KIF16B: variants seen among roughly 807,000 people sequenced by gnomAD.
KIF16B encodes the protein kinesin-like protein KIF16B.
Under a neutral mutation model 156.3 loss-of-function variants are expected in KIF16B, and 98 were observed. The ratio of observed to expected loss-of-function variants is 0.63; its 90% CI spans 0.53 to 0.74. KIF16B has a LOEUF of 0.74. Among genes scored for constraint, KIF16B ranks in the 30% least tolerant of loss-of-function variants. The pLI is 0.00. For missense variants in KIF16B, 1,421 were observed against 1,606.5 expected, an observed-to-expected ratio of 0.88 and a Z score of 1.97; for synonymous variants, 564 against 583.7, an observed-to-expected ratio of 0.97 and a Z score of 0.49.
intron 16 of KIF16B, 94 bp from the exon 17 acceptor site, chr20:16,404,995 G>C: frequency 1.2e-6 from 1 of 818,818 alleles, no homozygotes; most frequent in South Asian, 1.5e-5. Flanking sequence ...GAGACAATGA[G>C]GTGCACATGC....
At chr20:16,330,232 C>T (rs1252072861) in intron 24 of KIF16B, among the ~76,000 whole-genome samples, 2 of 152,154 alleles carry the variant, frequency 1.3e-5, no homozygotes, top group East Asian at 3.9e-4. Context: ...TGGCTCACCA[C>T]CCAAATGTAT....
At chr20:16,493,912 T>C (rs1404417569) in intron 12 of KIF16B, among the ~76,000 whole-genome samples, 1 of 152,172 alleles carries the variant, frequency 6.6e-6, no homozygotes, top group Non-Finnish European at 1.5e-5. Context: ...CCACGGGAAA[T>C]ATTTTTTTCA....
intron 7 of KIF16B, among the ~76,000 whole-genome samples, chr20:16,506,903 T>G (rs912611345): frequency 4.0e-5 from 6 of 151,382 alleles, no homozygotes; most frequent in African/African-American, 1.5e-4. Context: ...AAGACCAGCC[T>G]GGGCATCATA....
At chr20:16,533,871 T>C (rs1238194398) in intron 1 of KIF16B, among the ~76,000 whole-genome samples, 1 of 152,208 alleles carries the variant, frequency 6.6e-6, no homozygotes, top group Non-Finnish European at 1.5e-5. Flanking sequence ...ATCGAGGCCA[T>C]CTATTTCAGA....
chr20:16,539,266 ATTTCC>A (rs1373932459), intron 1 of KIF16B, among the ~76,000 whole-genome samples: 1 of 152,168 alleles, frequency 6.6e-6, no homozygotes, highest in Non-Finnish European at 1.5e-5. Context: ...AAAGTTCGGA[ATTTCC>A]TAGAGACTGG....
intron 15 of KIF16B, among the ~76,000 whole-genome samples, chr20:16,407,724 C>T (rs887542014): frequency 2.2e-4 from 33 of 152,140 alleles, no homozygotes; most frequent in African/African-American, 7.9e-4. Flanking sequence ...CTGTGAAGAC[C>T]GGAGAACAAG....
intron 15 of KIF16B, among the ~76,000 whole-genome samples, chr20:16,408,409 C>G (rs910836323): frequency 3.3e-5 from 5 of 152,102 alleles, no homozygotes; most frequent in African/African-American, 1.2e-4. Flanking sequence ...AAAGGTGTTT[C>G]CCATGCCTTT....
At chr20:16,522,155 C>T (rs1466509399) in intron 3 of KIF16B, among the ~76,000 whole-genome samples, 6 of 152,138 alleles carry the variant, frequency 3.9e-5, no homozygotes, top group Admixed American at 2.6e-4. Context: ...ATGACAGGAT[C>T]GAATACAGAC....
chr20:16,420,015 T>C (rs1257531088), intron 15 of KIF16B, among the ~76,000 whole-genome samples: 2 of 152,130 alleles, frequency 1.3e-5, no homozygotes, highest in East Asian at 1.9e-4. Flanking sequence ...AATCATCCTA[T>C]AGAATCACAG....
At chr20:16,539,666 T>G (rs2092696) in intron 1 of KIF16B, among the ~76,000 whole-genome samples, 54,125 of 152,132 alleles carry the variant, frequency 0.36, 9,682 homozygotes, top group African/African-American at 0.38. Context: ...CTATGCTTCC[T>G]GTACAGCCTG....
chr20:16,571,343 C>T (rs533064408), intron 1 of KIF16B, among the ~76,000 whole-genome samples: 1 of 152,330 alleles, frequency 6.6e-6, no homozygotes, highest in African/African-American at 2.4e-5. Flanking sequence ...TCAATCTTGA[C>T]ACCACCAGAG....
intron 23 of KIF16B, 93 bp from the exon 24 acceptor site, chr20:16,336,108 T>C (rs1303962425): frequency 4.2e-6 from 3 of 722,288 alleles, no homozygotes; most frequent in Non-Finnish European, 6.9e-6. Context: ...TTAAAAAAAG[T>C]GATTAGCATG....
intron 12 of KIF16B, among the ~76,000 whole-genome samples, chr20:16,465,644 A>T (rs2067470182): frequency 6.6e-6 from 1 of 152,270 alleles, no homozygotes; most frequent in Non-Finnish European, 1.5e-5. Flanking sequence ...GTCTTCCAAC[A>T]GGAATCCAAA....
At chr20:16,534,600 G>A (rs751110626) in intron 1 of KIF16B, among the ~76,000 whole-genome samples, 1 of 152,218 alleles carries the variant, frequency 6.6e-6, no homozygotes, top group Non-Finnish European at 1.5e-5. Flanking sequence ...ACAATGTCCT[G>A]AAGAGCTTTC....
chr20:16,467,600 T>A (rs771136219), intron 12 of KIF16B, among the ~76,000 whole-genome samples: 3 of 151,884 alleles, frequency 2.0e-5, no homozygotes, highest in Non-Finnish European at 4.4e-5. Flanking sequence ...TTGAAATAAG[T>A]CAAAGGGGAA....
chr20:16,439,117 C>T (rs2066724880), intron 12 of KIF16B, among the ~76,000 whole-genome samples: 1 of 152,068 alleles, frequency 6.6e-6, no homozygotes, highest in South Asian at 2.1e-4. Flanking sequence ...AGTGGGTCAG[C>T]CTAGAAATCA....
chr20:16,297,427 T>C (rs766165239), intron 25 of KIF16B, among the ~76,000 whole-genome samples: 1 of 152,230 alleles, frequency 6.6e-6, no homozygotes, highest in South Asian at 2.1e-4. Context: ...GCATGGTGGC[T>C]CACGCCTGTA....
intron 23 of KIF16B, among the ~76,000 whole-genome samples, chr20:16,355,018 G>T (rs2064410780): frequency 6.7e-6 from 1 of 149,404 alleles, no homozygotes; most frequent in Middle Eastern, 3.4e-3. Context: ...TATATAAACT[G>T]ATGCCCTGTT....
chr20:16,337,149 C>T (rs1199835102), intron 23 of KIF16B, among the ~76,000 whole-genome samples: 2 of 152,216 alleles, frequency 1.3e-5, no homozygotes, highest in Non-Finnish European at 2.9e-5. Flanking sequence ...TGCTGCATCC[C>T]TGAATGCGCA....
Sources: gnomAD v4.1 joint callset for allele counts (sites outside exome capture counted in the v4.1 genomes callset) on GRCh38, gnomAD v4.1.1 for gene constraint, MANE v1.5 for transcripts, NCBI Gene and HGNC (gene_info 2026-07-23, HGNC 2026-07-21) for gene names.